The following FANCM variants were observed in gnomAD, a reference collection of about 807,000 sequenced individuals.
FANCM encodes the protein Fanconi anemia group M protein.
Under a neutral mutation model 199.5 loss-of-function variants are expected in FANCM, and 140 were observed. That is an observed-to-expected ratio of 0.70 (90% CI 0.61 to 0.81). The LOEUF (loss-of-function observed/expected upper bound fraction) is 0.81, where lower values mean the gene tolerates loss of function less well. Among genes scored for constraint, FANCM ranks in the 30% least tolerant of loss-of-function variants. FANCM has a pLI of 0.00. For missense variants in FANCM, 2,410 were observed against 2,421.4 expected, an observed-to-expected ratio of 1.00 and a Z score of 0.10; for synonymous variants, 840 against 836.8, an observed-to-expected ratio of 1.00 and a Z score of -0.07.
rs1001351034 is a variant in FANCM, at chr14:45,144,177, G to C, written c.759+3468G>C. ...ATCACCTTAAGCATTTATTCTTTTT[G>C]TTACAATCCAGTTATACTCTTTTAG... On this transcript the variant is annotated intron_variant, in intron 3 of 22. Transcript: ENST00000267430. Among the ~76,000 whole-genome samples, 3 of 151,870 alleles carry C rather than the reference G, an allele frequency of 2.0e-5. 1 individual carries two copies. Among genetic ancestry groups the C allele is most frequent in the South Asian group, 4.2e-4 (2 of 4,806 alleles).
chr14:45,198,446 C>T (rs1890186044), intron 21 of FANCM, 198 bp from the exon 22 acceptor site: 1 of 450,262 alleles, frequency 2.2e-6, no homozygotes, highest in Non-Finnish European at 3.9e-6. Context: ...TTGATTCCAG[C>T]TCAAGGCGCT....
chr14:45,173,221 A>T lies in FANCM; in HGVS notation c.2316+11A>T. The T allele has an allele frequency of 1.2e-6, 2 of 1,611,972 alleles. No individual in the cohort carries two copies. Among genetic ancestry groups the T allele is most frequent in the Non-Finnish European group, 1.7e-6 (2 of 1,178,090 alleles). On this transcript the variant is annotated intron_variant, in intron 13 of 22. Coordinates refer to ENST00000267430, the MANE Select transcript of FANCM (RefSeq NM_020937.4). ...ATGAGACACGAAGAGGTGGGGTTTT[A>T]TTGTAACTTTCTCTTGCTGGTATGA...
At chr14:45,161,358 T>TG (rs201482620) in intron 9 of FANCM, among the ~76,000 whole-genome samples, 1 of 152,218 alleles carries the variant, frequency 6.6e-6, no homozygotes, top group South Asian at 2.1e-4. Context: ...CAGAAGAAAT[T>TG]GGGGGGGCCA....
Position 45,181,725 on chromosome 14 carries a change from T to C in FANCM, c.4386+20T>C. On this transcript the variant is annotated intron_variant, in intron 16 of 22. Coordinates refer to ENST00000267430, the MANE Select transcript of FANCM (RefSeq NM_020937.4). ...AACAGAGTAAGTAAATACCAGGTAA[T>C]GTATAGTAATCCAAATTCCTTTGGA... is the stretch of plus-strand genomic sequence containing the variant. The C allele has an allele frequency of 1.3e-6, 2 of 1,490,954 alleles. No individual in the cohort carries two copies. The highest frequency in any genetic ancestry group is 1.4e-5 in the African/African-American group (1 of 72,844). The allele number at this position is 1,490,954 out of a possible 1,614,324, so 92.4% of individuals were successfully genotyped here. A position where few individuals can be genotyped will look rare whatever the true frequency, so the allele number is the denominator to read the frequency against.
intron 9 of FANCM, 121 bp downstream of exon 9, chr14:45,159,401 G>C (rs759612466): frequency 7.5e-6 from 5 of 668,110 alleles, no homozygotes; most frequent in Admixed American, 2.9e-5. Context: ...TACAGTAAAC[G>C]TGTAGGTAAA....
chr14:45,150,481 G>A (rs1373929378), intron 4 of FANCM, among the ~76,000 whole-genome samples: 1 of 152,102 alleles, frequency 6.6e-6, no homozygotes, highest in Non-Finnish European at 1.5e-5. Context: ...TACAAATTAG[G>A]CAAAAATTTA....
intron 4 of FANCM, among the ~76,000 whole-genome samples, chr14:45,150,573 T>G (rs1007030375): frequency 2.0e-5 from 3 of 152,186 alleles, no homozygotes; most frequent in African/African-American, 2.4e-5. Context: ...TCAGGACTTT[T>G]TGTTTGCTGT....
chr14:45,149,019 G>C (rs1886631972), intron 4 of FANCM, 24 bp downstream of exon 4: 1 of 1,568,476 alleles, frequency 6.4e-7, no homozygotes, highest in African/African-American at 1.4e-5. Context: ...ATGACATTTA[G>C]GGATTTCATA....
chr14:45,166,148 A>T (rs1887956106), intron 10 of FANCM, among the ~76,000 whole-genome samples: 1 of 151,732 alleles, frequency 6.6e-6, no homozygotes, highest in Non-Finnish European at 1.5e-5. Flanking sequence ...AAAAAAACAA[A>T]AAAAACGGAG....
At chr14:45,157,161 C>T (rs1161674991) in intron 8 of FANCM, among the ~76,000 whole-genome samples, 1 of 151,636 alleles carries the variant, frequency 6.6e-6, no homozygotes, top group African/African-American at 2.4e-5. Flanking sequence ...AAAAGAATAA[C>T]AAAAGAAAGA....
At position 45,178,500 on chromosome 14, in the gene FANCM, TAATTC is replaced by T. The variant is rs1418828227; in HGVS notation, c.4222+1527_4222+1531del. ...ACATTTAGTTATTTTTTATTCTACT[TAATTC>T]AAGACAGAATTTAAGCTCATTTTCT... On this transcript the variant is annotated intron_variant, in intron 14 of 22. Transcript: ENST00000267430. Among the ~76,000 whole-genome samples, 6 of 152,306 alleles carry T rather than the reference TAATTC, an allele frequency of 3.9e-5. No homozygotes were observed. The East Asian group carries it at 5.8e-4, about 15-fold the overall frequency.
intron 21 of FANCM, 84 bp downstream of exon 21, chr14:45,196,631 T>TG: frequency 7.4e-7 from 1 of 1,344,296 alleles, no homozygotes; most frequent in South Asian, 1.2e-5. Context: ...TATTAGGATG[T>TG]GGGAAACTCT....
At chr14:45,162,294 G>A (rs1450980255) in intron 9 of FANCM, among the ~76,000 whole-genome samples, 6 of 152,180 alleles carry the variant, frequency 3.9e-5, no homozygotes, top group African/African-American at 1.4e-4. Flanking sequence ...GCTGAGGCAG[G>A]AGAATTAGGG....
At chr14:45,166,879 A>G (rs969045271) in intron 10 of FANCM, 71 bp from the exon 11 acceptor site, 9 of 892,210 alleles carry the variant, frequency 1.0e-5, no homozygotes, top group Non-Finnish European at 1.5e-5. Flanking sequence ...CCAAACTAAT[A>G]ATTGCTTGTT....
intron 22 of FANCM, among the ~76,000 whole-genome samples, 179 bp downstream of exon 22, chr14:45,199,114 C>T (rs375219801): frequency 1.5e-4 from 23 of 151,648 alleles, no homozygotes; most frequent in African/African-American, 5.1e-4. Flanking sequence ...GGACATTATT[C>T]GAAAAAAAGA....
At chr14:45,165,687 C>G (rs747610259) in intron 10 of FANCM, among the ~76,000 whole-genome samples, 1 of 152,062 alleles carries the variant, frequency 6.6e-6, no homozygotes, top group Non-Finnish European at 1.5e-5. Context: ...TAAAATGATC[C>G]TAATGAAATG....
At chr14:45,184,432 C>T (rs1220955666) in intron 17 of FANCM, among the ~76,000 whole-genome samples, 1 of 152,024 alleles carries the variant, frequency 6.6e-6, no homozygotes, top group Non-Finnish European at 1.5e-5. Context: ...GAGGCTGAGC[C>T]AGGTGGATCA....
At chr14:45,199,833 G>A in intron 22 of FANCM, 37 bp from the exon 23 acceptor site, 1 of 1,601,116 alleles carries the variant, frequency 6.2e-7, no homozygotes, top group Non-Finnish European at 8.5e-7. Flanking sequence ...AAAGCCAAAA[G>A]TCCTAGTGTA....
intron 3 of FANCM, among the ~76,000 whole-genome samples, chr14:45,145,578 C>T (rs1886303645): frequency 6.6e-6 from 1 of 152,174 alleles, no homozygotes; most frequent in Admixed American, 6.5e-5. Context: ...GATTCTTTCT[C>T]CACACCACAG....
Sources: gnomAD v4.1 joint callset for allele counts (sites outside exome capture counted in the v4.1 genomes callset) on GRCh38, gnomAD v4.1.1 for gene constraint, MANE v1.5 for transcripts, NCBI Gene and HGNC (gene_info 2026-07-23, HGNC 2026-07-21) for gene names.